Variants in UTS2B observed in about 807,000 individuals in gnomAD.
UTS2B encodes the protein urotensin-2B.
A neutral mutation model predicts 19.2 loss-of-function variants in UTS2B; 21 were observed. The ratio of observed to expected loss-of-function variants is 1.09; its 90% CI spans 0.78 to 1.58. UTS2B has a LOEUF of 1.58. UTS2B is among the 40% of genes most tolerant of loss of function. The pLI, the probability that UTS2B is intolerant of heterozygous loss-of-function variation, is 0.00. For synonymous variants in UTS2B, 57 were observed against 50.2 expected (o/e 1.14, Z -0.58); for missense variants, 138 against 130.3 (o/e 1.06, Z -0.29).
In UTS2B at chr3:191,268,444, AAAG is replaced by A; in HGVS notation, c.335-6_335-4del. The A allele has an allele frequency of 6.4e-7, 1 of 1,555,712 alleles. No homozygotes were observed. The highest frequency in any genetic ancestry group is 8.8e-7 in the Non-Finnish European group (1 of 1,137,638). ...AACACAGTATTTCCAAAAGCAAGCT[AAAG>A]AAGAAAACAAAATACATTTTTTATT... On this transcript the variant is annotated splice_polypyrimidine_tract_variant and splice_region_variant and intron_variant, in intron 8 of 8. Coordinates refer to ENST00000340524, the MANE Select transcript of UTS2B (RefSeq NM_198152.5).
the UTS2B span, among the ~76,000 whole-genome samples, chr3:191,339,665 T>G: frequency 1.3e-5 from 2 of 152,208 alleles, no homozygotes; most frequent in African/African-American, 4.8e-5. Context: ...GTGTTGACTT[T>G]CCCAGGCTGT....
At chr3:191,273,508 T>C (rs1560131784) in intron 8 of UTS2B, 1 of 456,742 alleles carries the variant, frequency 2.2e-6, no homozygotes, top group Non-Finnish European at 4.4e-6. Context: ...CTTTATCCTC[T>C]TCTGTTTTGG....
chr3:191,338,433 T>C, the UTS2B span, among the ~76,000 whole-genome samples: 1 of 152,252 alleles, frequency 6.6e-6, no homozygotes, highest in East Asian at 1.9e-4. Flanking sequence ...TTCCCATCTG[T>C]ACATCTGGAG....
At chr3:191,327,007 C>A (rs11917097) in intron 2 of UTS2B, among the ~76,000 whole-genome samples, 1 of 152,076 alleles carries the variant, frequency 6.6e-6, no homozygotes, top group Non-Finnish European at 1.5e-5. Flanking sequence ...GTTTCCATTT[C>A]TTCTCTAGGC....
At chr3:191,307,804 CTTTT>C (rs1717182584) in intron 3 of UTS2B, among the ~76,000 whole-genome samples, 1 of 142,388 alleles carries the variant, frequency 7.0e-6, no homozygotes, top group Non-Finnish European at 1.6e-5. Flanking sequence ...GGTGCTTTTT[CTTTT>C]TTCTTTTCTT....
At chr3:191,302,096 A>AT (rs1325988438) in intron 4 of UTS2B, among the ~76,000 whole-genome samples, 1 of 152,188 alleles carries the variant, frequency 6.6e-6, no homozygotes, top group East Asian at 1.9e-4. Flanking sequence ...GACCTGATAA[A>AT]ATAGGATGCA....
chr3:191,270,867 AG>A (rs2108565556), intron 8 of UTS2B, among the ~76,000 whole-genome samples: 1 of 152,252 alleles, frequency 6.6e-6, no homozygotes, highest in South Asian at 2.1e-4. Flanking sequence ...TATTTGTTTT[AG>A]GTGAGTTTCT....
At chr3:191,319,550 T>A (rs1057261341) in intron 2 of UTS2B, among the ~76,000 whole-genome samples, 12 of 152,166 alleles carry the variant, frequency 7.9e-5, no homozygotes, top group Non-Finnish European at 1.6e-4. Context: ...GTTCTTTTTT[T>A]AAAAGTCCTT....
chr3:191,335,551 T>A, the UTS2B span, among the ~76,000 whole-genome samples: 1 of 152,152 alleles, frequency 6.6e-6, no homozygotes, highest in African/African-American at 2.4e-5. Context: ...TTCTCAGATA[T>A]TGCTTTTAAA....
Position 191,312,809 on chromosome 3 carries a change from C to T in UTS2B, c.-182+3227G>A, listed in dbSNP as rs543022005. Among the ~76,000 whole-genome samples, 6 of 152,220 alleles carry T rather than the reference C, an allele frequency of 3.9e-5. No individual in the cohort carries two copies. The South Asian group carries it at 1.2e-3, about 32-fold the overall frequency. ...CTCTCCTTGTATCAATTATATTTGC[C>T]TGGGGCTATAGAGAATAGGTGGCAA... is the stretch of plus-strand genomic sequence containing the variant. On this transcript the variant is annotated intron_variant, in intron 3 of 8. Transcript: ENST00000340524.
intron 1 of UTS2B, chr3:191,329,844 G>A (rs956480453): frequency 1.4e-4 from 132 of 971,200 alleles, no homozygotes; most frequent in Non-Finnish European, 8.5e-5. Flanking sequence ...CCCTGCGTTG[G>A]CCTTGCCCGG....
Position 191,268,158 on chromosome 3 carries a change from G to A in UTS2B, c.*258C>T. 1 of 275,070 alleles carries A rather than the reference G, an allele frequency of 3.6e-6. No homozygotes were observed. The highest frequency in any genetic ancestry group is 2.2e-5 in the African/African-American group (1 of 45,112). 17.0% of individuals were successfully genotyped at this position (275,070 alleles called of 1,614,324 possible). A position where few individuals can be genotyped will look rare whatever the true frequency, so the allele number is the denominator to read the frequency against. The stretch of plus-strand genomic sequence containing the variant: ...CTGCTTTTCTGGGATAGGAATCTTG[G>A]TGATATGAAACCTCCCTGACTGCAC... On this transcript the variant is annotated 3_prime_UTR_variant, in exon 9 of 9. Coordinates refer to ENST00000340524, the MANE Select transcript of UTS2B (RefSeq NM_198152.5).
At chr3:191,288,034 G>A (rs1336678311) in intron 4 of UTS2B, among the ~76,000 whole-genome samples, 1 of 152,064 alleles carries the variant, frequency 6.6e-6, no homozygotes, top group Non-Finnish European at 1.5e-5. Context: ...AATGTCATTT[G>A]CAATGGATAT....
At chr3:191,274,357 A>G (rs1474191441) in intron 8 of UTS2B, among the ~76,000 whole-genome samples, 2 of 152,234 alleles carry the variant, frequency 1.3e-5, no homozygotes, top group Non-Finnish European at 2.9e-5. Context: ...TACTTACTAC[A>G]TACTAGGAAT....
chr3:191,279,882 T>C (rs143668797), intron 5 of UTS2B, among the ~76,000 whole-genome samples: 314 of 148,382 alleles, frequency 2.1e-3, no homozygotes, highest in Middle Eastern at 0.015. Flanking sequence ...CTTGTTTTCA[T>C]ACTTAGTTTT....
intron 3 of UTS2B, among the ~76,000 whole-genome samples, chr3:191,309,852 T>C (rs747606861): frequency 6.6e-6 from 1 of 152,224 alleles, no homozygotes; most frequent in Non-Finnish European, 1.5e-5. Context: ...CACAAGCTGA[T>C]GCCACCATGC....
chr3:191,292,490 A>C (rs1716746713), intron 4 of UTS2B, among the ~76,000 whole-genome samples: 1 of 152,142 alleles, frequency 6.6e-6, no homozygotes, highest in African/African-American at 2.4e-5. Flanking sequence ...TGATTTTTGC[A>C]TATTGATCTT....
chr3:191,274,857 G>A (rs756718942), intron 8 of UTS2B, among the ~76,000 whole-genome samples: 3 of 152,190 alleles, frequency 2.0e-5, no homozygotes, highest in South Asian at 2.1e-4. Flanking sequence ...GCTATGAATC[G>A]AACCTTGGAA....
At chr3:191,343,639 A>T in the UTS2B span, among the ~76,000 whole-genome samples, 2 of 152,206 alleles carry the variant, frequency 1.3e-5, no homozygotes, top group African/African-American at 4.8e-5. Flanking sequence ...ACCATGTAAA[A>T]TGCAGTTGTT....
Sources: gnomAD v4.1 joint callset for allele counts (sites outside exome capture counted in the v4.1 genomes callset) on GRCh38, gnomAD v4.1.1 for gene constraint, MANE v1.5 for transcripts, NCBI Gene and HGNC (gene_info 2026-07-23, HGNC 2026-07-21) for gene names.